LRRC49: variants seen among roughly 807,000 people sequenced by gnomAD.
The protein encoded by LRRC49 is leucine rich repeat containing 49.
In LRRC49, 50 loss-of-function variants were observed where a neutral mutation model predicts 83.3. The ratio of observed to expected loss-of-function variants is 0.60; its 90% CI spans 0.48 to 0.76. LRRC49 has a LOEUF of 0.76. Ranked by LOEUF, LRRC49 falls within the 30% of genes least tolerant of loss-of-function variation. The pLI is 0.00. For missense variants in LRRC49, 704 were observed against 809.1 expected (o/e 0.87, Z 1.58); for synonymous variants, 286 against 283.3 (o/e 1.01, Z -0.10).
At chr15:70,910,728 A>G (rs1177691918) in intron 5 of LRRC49, among the ~76,000 whole-genome samples, 1 of 152,184 alleles carries the variant, frequency 6.6e-6, no homozygotes, top group Non-Finnish European at 1.5e-5. Context: ...TTTAGTTAGT[A>G]TGTTCGTTCA....
At chr15:70,938,836 A>C (rs2035696766) in intron 8 of LRRC49, among the ~76,000 whole-genome samples, 1 of 152,176 alleles carries the variant, frequency 6.6e-6, no homozygotes. Flanking sequence ...GCTGACTTAA[A>C]AATACCAGTG....
chr15:70,988,382 A>G (rs1393660479), intron 11 of LRRC49, among the ~76,000 whole-genome samples: 12 of 147,806 alleles, frequency 8.1e-5, no homozygotes, highest in Non-Finnish European at 1.7e-4. Flanking sequence ...TCCCTTTACC[A>G]TTATGTAATG....
At position 71,044,020 on chromosome 15, in the gene LRRC49, A is replaced by G. The variant is rs75334359; in HGVS notation, c.1858-5389A>G. 5.4e-4 allele frequency among the ~76,000 whole-genome samples: 82 copies of G among 152,326 alleles called. No individual in the cohort carries two copies. In the East Asian group the frequency reaches 0.011, roughly 21 times the overall value. On this transcript the variant is annotated intron_variant, in intron 15 of 15. Coordinates refer to ENST00000260382, the MANE Select transcript of LRRC49 (RefSeq NM_017691.5). Reference sequence around the variant, plus strand: ...CTCTATGCTTTCTACTTGTAAATGCATTGCTTGTAAAATATTGCTCATTTT... The same window carrying G: ...CTCTATGCTTTCTACTTGTAAATGCGTTGCTTGTAAAATATTGCTCATTTT...
chr15:70,970,964 T>TC (rs775503601), intron 9 of LRRC49, among the ~76,000 whole-genome samples: 3 of 152,164 alleles, frequency 2.0e-5, no homozygotes, highest in Admixed American at 6.5e-5. Flanking sequence ...TTTTGAAGGG[T>TC]CATTCGTTCT....
upstream of LRRC49, chr15:70,892,269 G>A (rs778920145): frequency 7.0e-6 from 11 of 1,565,506 alleles, no homozygotes; most frequent in East Asian, 1.7e-4. Flanking sequence ...CAACGGGCCG[G>A]CATGGCGGCC....
rs1442115975 is a variant in LRRC49 at position 71,053,183 on chromosome 15, A to G, written c.*3571A>G. The G allele has an allele frequency of 6.6e-6, 1 of 152,208 alleles. No individual in the cohort carries two copies. The highest frequency in any genetic ancestry group is 6.5e-5 in the Admixed American group (1 of 15,284). 9.4% of individuals were successfully genotyped at this position (152,208 alleles called of 1,614,324 possible). On this transcript the variant is annotated 3_prime_UTR_variant, in exon 16 of 16. Coordinates refer to ENST00000260382, the MANE Select transcript of LRRC49 (RefSeq NM_017691.5). Reference sequence around the variant, plus strand: ...TAGGCAAGAGATAATTGTGACTTGGATCAAGGTGATAGCGGCAGAGGCGTC... The same window carrying G: ...TAGGCAAGAGATAATTGTGACTTGGGTCAAGGTGATAGCGGCAGAGGCGTC...
rs1345870119 is a variant in LRRC49 at position 70,984,262 on chromosome 15, G to A, written c.1169+5G>A. On this transcript the variant is annotated splice_donor_5th_base_variant and intron_variant, in intron 11 of 15. Coordinates refer to ENST00000260382, the MANE Select transcript of LRRC49 (RefSeq NM_017691.5). ...TGCATTCCCAGAGGAAACAGGGTAT[G>A]CAATGGTATTTTTTCAAGATACAAG... 3.8e-6 allele frequency: 6 copies of A among 1,592,354 alleles called. No homozygotes were observed. In the Admixed American group the frequency reaches 8.8e-5, roughly 23 times the overall value.
chr15:70,987,116 C>T (rs1317628459), intron 11 of LRRC49, among the ~76,000 whole-genome samples: 1 of 152,136 alleles, frequency 6.6e-6, no homozygotes, highest in African/African-American at 2.4e-5. Flanking sequence ...TGTGTCTCTA[C>T]CCGGCTTTGG....
At chr15:70,871,768 C>T (rs374642165) in intron 1 of LRRC49, among the ~76,000 whole-genome samples, 10 of 150,604 alleles carry the variant, frequency 6.6e-5, no homozygotes, top group African/African-American at 2.5e-4. Flanking sequence ...GGGCCGCGGC[C>T]GGGCAGAGGC....
intron 7 of LRRC49, among the ~76,000 whole-genome samples, chr15:70,923,273 A>C (rs1425451260): frequency 6.6e-6 from 1 of 152,014 alleles, no homozygotes; most frequent in Non-Finnish European, 1.5e-5. Flanking sequence ...TTGGTACTTT[A>C]ACGTTTGCTG....
chr15:71,034,033 A>G (rs565430033), intron 14 of LRRC49, among the ~76,000 whole-genome samples: 25 of 152,324 alleles, frequency 1.6e-4, no homozygotes, highest in African/African-American at 4.8e-4. Context: ...AAATTGACAA[A>G]GGGGATCTAA....
intron 9 of LRRC49, among the ~76,000 whole-genome samples, chr15:70,979,154 A>T (rs1427319541): frequency 1.3e-5 from 2 of 152,138 alleles, no homozygotes. Flanking sequence ...CGGGGGAAAA[A>T]TTGTCCAGAT....
At chr15:70,871,893 G>A (rs2033052691) in intron 1 of LRRC49, among the ~76,000 whole-genome samples, 1 of 149,412 alleles carries the variant, frequency 6.7e-6, no homozygotes, top group Admixed American at 6.7e-5. Flanking sequence ...CCGGGAAGAG[G>A]CGCTCCTTAC....
chr15:70,944,114 C>G (rs1321344737), intron 8 of LRRC49, among the ~76,000 whole-genome samples: 1 of 152,134 alleles, frequency 6.6e-6, no homozygotes, highest in African/African-American at 2.4e-5. Context: ...CAGATGTCAC[C>G]TGCATGTATG....
chr15:71,035,733 T>C (rs1318230205), intron 14 of LRRC49, among the ~76,000 whole-genome samples: 1 of 152,192 alleles, frequency 6.6e-6, no homozygotes, highest in Non-Finnish European at 1.5e-5. Flanking sequence ...ACATTTTCTT[T>C]ATCCAGTCTA....
chr15:70,891,978 T>A (rs2141093642), upstream of LRRC49: 1 of 1,613,422 alleles, frequency 6.2e-7, no homozygotes, highest in Non-Finnish European at 8.5e-7. Flanking sequence ...TCCTCTCCCC[T>A]CTTAGGTGCC....
intron 8 of LRRC49, among the ~76,000 whole-genome samples, chr15:70,945,519 C>CTGTGTGTGTGTGTG (rs749607668): frequency 2.4e-4 from 32 of 135,880 alleles, no homozygotes; most frequent in East Asian, 8.8e-4. Flanking sequence ...ATTTAACAAC[C>CTGTGTGTGTGTGTG]TGTGTGTGTG....
intron 4 of LRRC49, 61 bp downstream of exon 4, chr15:70,901,085 G>A: frequency 1.1e-6 from 1 of 915,572 alleles, no homozygotes; most frequent in Non-Finnish European, 1.7e-6. Flanking sequence ...CGTGGTACAA[G>A]ACTTGAAAGA....
chr15:71,001,886 T>C (rs113686277), intron 11 of LRRC49, among the ~76,000 whole-genome samples: 44,718 of 151,936 alleles, frequency 0.29, 7,934 homozygotes, highest in Non-Finnish European at 0.39. Context: ...AGAGACAGGG[T>C]TTCACCTTGT....
Sources: gnomAD v4.1 joint callset for allele counts (sites outside exome capture counted in the v4.1 genomes callset) on GRCh38, gnomAD v4.1.1 for gene constraint, MANE v1.5 for transcripts, NCBI Gene and HGNC (gene_info 2026-07-23, HGNC 2026-07-21) for gene names.